Variants in POU3F3 observed in about 807,000 individuals in gnomAD.
POU3F3 encodes the protein POU class 3 homeobox 3.
POU3F3 carries 1 observed loss-of-function variant against 8.6 expected under a neutral mutation model. The ratio of observed to expected loss-of-function variants is 0.12; its 90% CI spans 0.04 to 0.55. The LOEUF (loss-of-function observed/expected upper bound fraction) is 0.55, where lower values mean the gene tolerates loss of function less well. POU3F3 is among the 20% of genes least tolerant of loss of function. The pLI is 0.91. For synonymous variants in POU3F3, 418 were observed against 327.4 expected (o/e 1.28, Z -2.99); for missense variants, 577 against 690.7 (o/e 0.84, Z 1.84).
At chr2:104,901,058 A>G in the POU3F3 span, among the ~76,000 whole-genome samples, 2 of 152,208 alleles carry the variant, frequency 1.3e-5, no homozygotes, top group South Asian at 2.1e-4. Flanking sequence ...TTATGATTAA[A>G]TTGCAAAATG....
the POU3F3 span, among the ~76,000 whole-genome samples, chr2:104,897,018 T>C: frequency 6.6e-6 from 1 of 152,272 alleles, no homozygotes; most frequent in African/African-American, 2.4e-5. Flanking sequence ...TCCTAAATAG[T>C]CCAGTTTCCT....
chr2:104,898,621 G>C, the POU3F3 span, among the ~76,000 whole-genome samples: 2 of 152,142 alleles, frequency 1.3e-5, no homozygotes, highest in Non-Finnish European at 2.9e-5. Context: ...ATATCATAGT[G>C]GTCCTTTGGT....
chr2:104,894,188 C>T, the POU3F3 span, among the ~76,000 whole-genome samples: 3 of 152,196 alleles, frequency 2.0e-5, no homozygotes, highest in Admixed American at 6.5e-5. Context: ...AGATATGCAT[C>T]GCACATGAGT....
chr2:104,868,498 C>A, the POU3F3 span: 1 of 383,548 alleles, frequency 2.6e-6, no homozygotes, highest in Non-Finnish European at 5.3e-6. Context: ...AGAAGCATCG[C>A]TGCAGACCTC....
rs1371998231 is a variant in POU3F3, at chr2:104,856,278, C to A, written c.768C>A (p.His256Gln). 1 of 1,460,826 alleles carries A rather than the reference C, an allele frequency of 6.8e-7. No homozygotes were observed. The highest frequency in any genetic ancestry group is 9.0e-7 in the Non-Finnish European group (1 of 1,116,228). 90.5% of individuals were successfully genotyped at this position (1,460,826 alleles called of 1,614,324 possible). The change falls in exon 1 of 1, where the codon CAC becomes CAA. Residue 256 changes from histidine (H) to glutamine (Q), a missense_variant. His to Gln is a conservative substitution (Grantham distance 24). Transcript: ENST00000361360. ...GCGGTGGAGCCCAGAGCTTGGTGCA[C>A]CCGGGGCTGGTGCGCGGGGACACGC... ...GAGGGAQSLVHPGLVRGDTPE... is the reference protein window; with the variant it reads ...GAGGGAQSLVQPGLVRGDTPE...
At position 104,856,811 on chromosome 2, in the gene POU3F3, A is replaced by G. The variant is rs1573321048; in HGVS notation, c.1301A>G (p.Gln434Arg). 1 of 1,614,104 alleles carries G rather than the reference A, an allele frequency of 6.2e-7. No individual in the cohort carries two copies. The highest frequency in any genetic ancestry group is 8.5e-7 in the Non-Finnish European group (1 of 1,180,008). ...CTCAAGTGCCCCAAGCCCTCCGCGC[A>G]GGAGATCACCAACCTGGCCGACAGC... Reference protein sequence around the residue: ...HFLKCPKPSAQEITNLADSLQ... With the variant: ...HFLKCPKPSAREITNLADSLQ... Residue 434 changes from glutamine (Q) to arginine (R), a missense_variant, in exon 1 of 1, where the codon CAG becomes CGG. Physicochemically the swap from Gln to Arg is conservative, Grantham distance 43. Transcript: ENST00000361360.
At chr2:104,879,288 A>G in the POU3F3 span, among the ~76,000 whole-genome samples, 114 of 152,094 alleles carry the variant, frequency 7.5e-4, no homozygotes, top group Admixed American at 1.2e-3. Flanking sequence ...CTCTGACCAC[A>G]GTTCCTTCTC....
At chr2:104,895,164 G>A in the POU3F3 span, among the ~76,000 whole-genome samples, 3 of 152,056 alleles carry the variant, frequency 2.0e-5, no homozygotes, top group Non-Finnish European at 4.4e-5. Flanking sequence ...TTTTTGGGCT[G>A]AGCGGTCCTC....
chr2:104,873,815 G>A, the POU3F3 span, among the ~76,000 whole-genome samples: 2 of 152,134 alleles, frequency 1.3e-5, no homozygotes, highest in African/African-American at 4.8e-5. Context: ...CCTTGCCCAG[G>A]GCCTGAGGGC....
the POU3F3 span, among the ~76,000 whole-genome samples, chr2:104,924,769 A>T: frequency 6.6e-6 from 1 of 152,136 alleles, no homozygotes; most frequent in African/African-American, 2.4e-5. Context: ...TCACTTTTGA[A>T]CTTCATGTAA....
chr2:104,896,335 T>C, the POU3F3 span, among the ~76,000 whole-genome samples: 1 of 152,144 alleles, frequency 6.6e-6, no homozygotes, highest in Admixed American at 6.5e-5. Flanking sequence ...GGCCACGTGG[T>C]GCAATCCAAA....
the POU3F3 span, among the ~76,000 whole-genome samples, chr2:104,913,696 A>G: frequency 6.6e-6 from 1 of 152,198 alleles, no homozygotes; most frequent in South Asian, 2.1e-4. Flanking sequence ...TGGCATTTTT[A>G]AAACCTTTTC....
chr2:104,897,425 T>A, the POU3F3 span, among the ~76,000 whole-genome samples: 2 of 152,044 alleles, frequency 1.3e-5, no homozygotes, highest in South Asian at 2.1e-4. Flanking sequence ...AAACAGAGCA[T>A]CCCTTTGCTC....
chr2:104,877,764 T>C, the POU3F3 span, among the ~76,000 whole-genome samples: 1 of 151,984 alleles, frequency 6.6e-6, no homozygotes, highest in African/African-American at 2.4e-5. Context: ...TTCCAGGGAT[T>C]CTCCTGCCTC....
At chr2:104,887,535 T>C in the POU3F3 span, among the ~76,000 whole-genome samples, 1 of 152,210 alleles carries the variant, frequency 6.6e-6, no homozygotes. Context: ...TACCCTGGCG[T>C]CTACCAGTGT....
chr2:104,892,068 T>C, the POU3F3 span, among the ~76,000 whole-genome samples: 1 of 152,190 alleles, frequency 6.6e-6, no homozygotes, highest in Non-Finnish European at 1.5e-5. Flanking sequence ...CCCCTGATGA[T>C]GTGAGCTGGA....
At chr2:104,903,125 C>T in the POU3F3 span, among the ~76,000 whole-genome samples, 3 of 152,162 alleles carry the variant, frequency 2.0e-5, no homozygotes, top group East Asian at 1.9e-4. Flanking sequence ...GTTAAAGATC[C>T]TTTCATAGTG....
chr2:104,855,683 T>G lies in POU3F3; in HGVS notation c.173T>G (p.Val58Gly). 8.6e-7 allele frequency: 1 copy of G among 1,165,252 alleles called. No individual in the cohort carries two copies. Among genetic ancestry groups the G allele is most frequent in the Admixed American group, 3.1e-5 (1 of 32,174 alleles). 72.2% of individuals were successfully genotyped at this position (1,165,252 alleles called of 1,614,324 possible). The change falls in exon 1 of 1, where the codon GTG becomes GGG. Residue 58 changes from valine (V) to glycine (G), a missense_variant. Transcript: ENST00000361360. ...GGCATGCAGCCGGGCAGCGCCGCCGTGACCTCGGGCGCCTACCGGGGGGAC... is the reference window on the plus strand; with the variant it reads ...GGCATGCAGCCGGGCAGCGCCGCCGGGACCTCGGGCGCCTACCGGGGGGAC... ...GGGMQPGSAA[V>G]TSGAYRGDPS...
At chr2:104,864,984 T>C in the POU3F3 span, among the ~76,000 whole-genome samples, 68,540 of 152,110 alleles carry the variant, frequency 0.45, 15,698 homozygotes, top group East Asian at 0.7. Flanking sequence ...ATTTTAAATG[T>C]CTTAAGCTGG....
Sources: gnomAD v4.1 joint callset for allele counts (sites outside exome capture counted in the v4.1 genomes callset) on GRCh38, gnomAD v4.1.1 for gene constraint, MANE v1.5 for transcripts, NCBI Gene and HGNC (gene_info 2026-07-23, HGNC 2026-07-21) for gene names.